Variants in A4GNT observed in about 807,000 individuals in gnomAD.
The protein encoded by A4GNT is alpha-1,4-N-acetylglucosaminyltransferase.
A4GNT carries 6 observed loss-of-function variants against 8.3 expected under a neutral mutation model. The observed-to-expected ratio is 0.72, with a 90% CI of 0.39 to 1.42. The LOEUF (loss-of-function observed/expected upper bound fraction) is 1.42, where lower values mean the gene tolerates loss of function less well. A4GNT is among the 40% of genes most tolerant of loss of function. The pLI, the probability that A4GNT is intolerant of heterozygous loss-of-function variation, is 0.02. For missense variants in A4GNT, 377 were observed against 417.0 expected (o/e 0.90, Z 0.84); for synonymous variants, 157 against 159.8 (o/e 0.98, Z 0.13).
At chr3:138,124,927 G>A (rs764126395) in intron 2 of A4GNT, 49 bp from the exon 3 acceptor site, 1 of 1,578,460 alleles carries the variant, frequency 6.3e-7, no homozygotes, top group Non-Finnish European at 8.6e-7. Context: ...GGAAGAGGGA[G>A]GGGCATCACA....
rs910952144 is a variant in A4GNT, at chr3:138,124,084, G to A, written c.*180C>T. The A allele has an allele frequency of 2.5e-6, 2 of 796,996 alleles. No homozygotes were observed. Among genetic ancestry groups the A allele is most frequent in the Non-Finnish European group, 3.8e-6 (2 of 523,564 alleles). 49.4% of individuals were successfully genotyped at this position (796,996 alleles called of 1,614,324 possible). ...GCAGTCAAATGGACCATGGGTGTATGTTTTATAGCCAGTATCATTTGGGAT... is the reference window on the plus strand; with the variant it reads ...GCAGTCAAATGGACCATGGGTGTATATTTTATAGCCAGTATCATTTGGGAT... On this transcript the variant is annotated 3_prime_UTR_variant, in exon 3 of 3. Coordinates refer to ENST00000236709, the MANE Select transcript of A4GNT (RefSeq NM_016161.3).
intron 2 of A4GNT, among the ~76,000 whole-genome samples, chr3:138,130,253 G>C (rs769080036): frequency 6.6e-6 from 1 of 152,056 alleles, no homozygotes; most frequent in African/African-American, 2.4e-5. Context: ...TGGAATCATT[G>C]AGTTGTTGTA....
At chr3:138,129,802 T>A (rs1179077993) in intron 2 of A4GNT, among the ~76,000 whole-genome samples, 1 of 152,182 alleles carries the variant, frequency 6.6e-6, no homozygotes, top group Non-Finnish European at 1.5e-5. Flanking sequence ...TTTTTGCTTG[T>A]GTGTTTGTTT....
intron 2 of A4GNT, among the ~76,000 whole-genome samples, chr3:138,128,387 G>A (rs961996595): frequency 6.6e-6 from 1 of 152,092 alleles, no homozygotes; most frequent in Non-Finnish European, 1.5e-5. Context: ...TTCTGAGGAG[G>A]CCTCAGGGAG....
In A4GNT at chr3:138,130,979, G is replaced by A. The variant is rs140708994; in HGVS notation, c.278C>T (p.Ser93Phe). 13 of 1,613,992 alleles carry A rather than the reference G, an allele frequency of 8.1e-6. No homozygotes were observed. The African/African-American group carries it at 1.6e-4, about 20-fold the overall frequency. The part of the protein sequence containing the change: ...VVFFMKGLTD[S>F]TPMPSNSTYP... ...TGTGGAGTTTGAGGGCATCGGTGTG[G>A]AATCAGTAAGACCCTTCATAAAGAA... The change falls in exon 2 of 3, where the codon TCC (serine) becomes TTC (phenylalanine). Residue 93 changes from serine (S) to phenylalanine (F), a missense_variant. By Grantham distance (155) the Ser-to-Phe change is radical. Transcript: ENST00000236709.
Position 138,124,715 on chromosome 3 carries a change from C to A in A4GNT, c.572G>T (p.Ser191Ile), listed in dbSNP as rs1454602166. The part of the protein sequence containing the change: ...FLAAQASRYS[S>I]NGIFGFLPHH... ...GGGGAGGAACCCAAATATTCCATTACTAGAGTACCGAGAAGCCTGCGCAGC... is the reference window on the plus strand; with the variant it reads ...GGGGAGGAACCCAAATATTCCATTAATAGAGTACCGAGAAGCCTGCGCAGC... The change falls in exon 3 of 3, where the codon AGT becomes ATT. Residue 191 changes from serine to isoleucine, a missense_variant. Ser to Ile is a moderately radical substitution (Grantham distance 142). Coordinates refer to ENST00000236709, the MANE Select transcript of A4GNT (RefSeq NM_016161.3). 2 of 1,614,168 alleles carry A rather than the reference C, an allele frequency of 1.2e-6. No individual in the cohort carries two copies. Among genetic ancestry groups the A allele is most frequent in the Admixed American group, 3.3e-5 (2 of 60,020 alleles).
chr3:138,129,345 A>G (rs2042763544), intron 2 of A4GNT, among the ~76,000 whole-genome samples: 2 of 152,180 alleles, frequency 1.3e-5, no homozygotes, highest in Non-Finnish European at 2.9e-5. Context: ...ATGGATAGAC[A>G]GAGGGAGATT....
upstream of A4GNT, among the ~76,000 whole-genome samples, chr3:138,132,547 A>G (rs576057576): frequency 1.2e-4 from 19 of 152,304 alleles, no homozygotes; most frequent in East Asian, 3.5e-3. Flanking sequence ...CCACTTGGGA[A>G]CAAGAGGGGT....
rs1487536656 is a variant in A4GNT at position 138,124,253 on chromosome 3, G to A, written c.*11C>T. On this transcript the variant is annotated 3_prime_UTR_variant, in exon 3 of 3. Transcript: ENST00000236709. ...TTTCCACACTGCAGCAGCAGCAAAC[G>A]AGTGTTAGCTTTATTTGTTACCTGG... is the stretch of plus-strand genomic sequence containing the variant. The A allele has an allele frequency of 3.1e-6, 5 of 1,605,788 alleles. No homozygotes were observed. Among genetic ancestry groups the A allele is most frequent in the Admixed American group, 1.7e-5 (1 of 59,302 alleles).
At position 138,124,731 on chromosome 3, in the gene A4GNT, C is replaced by T. The variant is rs774762361; in HGVS notation, c.556G>A (p.Ala186Thr). 3.7e-6 allele frequency: 6 copies of T among 1,614,044 alleles called. No homozygotes were observed. The African/African-American group carries it at 6.7e-5, about 18-fold the overall frequency. ...IPEENFLAAQ[A>T]SRYSSNGIFG... ...ATTCCATTACTAGAGTACCGAGAAG[C>T]CTGCGCAGCCAAAAAGTTCTCCTCA... The change falls in exon 3 of 3, where the codon GCT becomes ACT. Residue 186 changes from alanine (A) to threonine (T), a missense_variant. Coordinates refer to ENST00000236709, the MANE Select transcript of A4GNT (RefSeq NM_016161.3).
rs1039483558 is a variant in A4GNT at position 138,132,217 on chromosome 3, G to A, written c.-32C>T. On this transcript the variant is annotated 5_prime_UTR_variant, in exon 1 of 3. Coordinates refer to ENST00000236709, the MANE Select transcript of A4GNT (RefSeq NM_016161.3). ...TCCAGGCTCTGAACCGTTACCTGCA[G>A]TGCTTTCCTCACCAAAAATGTTAGC... is the stretch of plus-strand genomic sequence containing the variant. 6.6e-6 allele frequency: 1 copy of A among 152,210 alleles called. No homozygotes were observed. The highest frequency in any genetic ancestry group is 1.5e-5 in the Non-Finnish European group (1 of 68,050). The allele number at this position is 152,210 out of a possible 1,614,324, so 9.4% of individuals were successfully genotyped here. A position where few individuals can be genotyped will look rare whatever the true frequency, so the allele number is the denominator to read the frequency against.
Position 138,124,554 on chromosome 3 carries a change from T to C in A4GNT, c.733A>G (p.Ser245Gly). 6.2e-7 allele frequency: 1 copy of C among 1,614,212 alleles called. No homozygotes were observed. The highest frequency in any genetic ancestry group is 1.1e-5 in the South Asian group (1 of 91,082). The stretch of plus-strand genomic sequence containing the variant: ...GATATGTTCAGACACCTGAGGTCGC[T>C]CACCTCCTGGAAGTCTTCAAGTTTA... ...WCKLEDFQEV[S>G]DLRCLNISFL... The change falls in exon 3 of 3, where the codon AGC (serine) becomes GGC (glycine). Residue 245 changes from serine (S) to glycine (G), a missense_variant. By Grantham distance (56) the Ser-to-Gly change is moderately conservative. Transcript: ENST00000236709.
intron 2 of A4GNT, among the ~76,000 whole-genome samples, chr3:138,129,246 A>G (rs1177353660): frequency 1.3e-5 from 2 of 152,192 alleles, no homozygotes; most frequent in Non-Finnish European, 2.9e-5. Context: ...CTTATATGGG[A>G]AAAGTATCTT....
chr3:138,124,970 G>A, intron 2 of A4GNT, 92 bp from the exon 3 acceptor site: 2 of 1,462,774 alleles, frequency 1.4e-6, no homozygotes, highest in Non-Finnish European at 1.8e-6. Flanking sequence ...GCTGGGGAGG[G>A]GTTAAAGAAG....
At chr3:138,127,578 A>C (rs1020816686) in intron 2 of A4GNT, among the ~76,000 whole-genome samples, 2 of 152,018 alleles carry the variant, frequency 1.3e-5, no homozygotes, top group Non-Finnish European at 2.9e-5. Flanking sequence ...CGTCTCAAAA[A>C]AAAAAAAAAC....
Position 138,131,199 on chromosome 3 carries a change from G to C in A4GNT, c.58C>G (p.Leu20Val). 1 of 1,610,310 alleles carries C rather than the reference G, an allele frequency of 6.2e-7. No homozygotes were observed. Among genetic ancestry groups the C allele is most frequent in the Non-Finnish European group, 8.5e-7 (1 of 1,176,840 alleles). ...CTGGACTTCAGGGTGAACTGGTAGA[G>C]GAAGCCACAGACAAGCAGCAAGGTG... ...SVTLLLVCGF[L>V]YQFTLKSSCL... is the part of the protein sequence containing the mutation. The change falls in exon 2 of 3, where the codon CTC becomes GTC. Residue 20 changes from leucine to valine, a missense_variant. Leu to Val is a conservative substitution (Grantham distance 32). Coordinates refer to ENST00000236709, the MANE Select transcript of A4GNT (RefSeq NM_016161.3).
Position 138,130,838 on chromosome 3 carries a change from T to G in A4GNT, c.408+11A>C. 1 of 1,611,968 alleles carries G rather than the reference T, an allele frequency of 6.2e-7. No individual in the cohort carries two copies. The highest frequency in any genetic ancestry group is 8.5e-7 in the Non-Finnish European group (1 of 1,178,930). ...AATTCGTTGACATTTTAAGTTTCCCTAAACACTTACTTGATTGTACCATGA... is the reference window on the plus strand; with the variant it reads ...AATTCGTTGACATTTTAAGTTTCCCGAAACACTTACTTGATTGTACCATGA... On this transcript the variant is annotated intron_variant, in intron 2 of 2. Transcript: ENST00000236709.
intron 2 of A4GNT, among the ~76,000 whole-genome samples, chr3:138,130,061 T>G (rs367786531): frequency 3.3e-5 from 5 of 152,290 alleles, no homozygotes; most frequent in African/African-American, 1.2e-4. Flanking sequence ...CTACTATTAT[T>G]GTGTGTTGTA....
chr3:138,131,375 T>C (rs2042776402), intron 1 of A4GNT, 93 bp from the exon 2 acceptor site: 4 of 973,420 alleles, frequency 4.1e-6, no homozygotes, highest in Non-Finnish European at 5.6e-6. Flanking sequence ...ATTTAAAAAC[T>C]TAAATTTTAA....
Sources: gnomAD v4.1 joint callset for allele counts (sites outside exome capture counted in the v4.1 genomes callset) on GRCh38, gnomAD v4.1.1 for gene constraint, MANE v1.5 for transcripts, NCBI Gene and HGNC (gene_info 2026-07-23, HGNC 2026-07-21) for gene names.